The following SYNE1 variants were observed in gnomAD, a reference collection of about 807,000 sequenced individuals.
SYNE1 encodes the protein spectrin repeat containing nuclear envelope protein 1, also known as nesprin-1.
In SYNE1, 616 loss-of-function variants were observed where a neutral mutation model predicts 1,111.0. The ratio of observed to expected loss-of-function variants is 0.55; its 90% CI spans 0.52 to 0.59. SYNE1 has a LOEUF of 0.59. Ranked by LOEUF, SYNE1 falls within the 20% of genes least tolerant of loss-of-function variation. The pLI is 0.00. For synonymous variants in SYNE1, 3,855 were observed against 3,825.8 expected (o/e 1.01, Z -0.28); for missense variants, 10,006 against 10,417.0 (o/e 0.96, Z 1.72).
At chr6:152,512,760 G>A (rs1325707168) in intron 6 of SYNE1, among the ~76,000 whole-genome samples, 1 of 152,140 alleles carries the variant, frequency 6.6e-6, no homozygotes, top group African/African-American at 2.4e-5. Context: ...TTCACAATGA[G>A]TTTAGGGAGC....
chr6:152,440,736 T>C (rs2098521994), intron 32 of SYNE1, among the ~76,000 whole-genome samples: 1 of 151,848 alleles, frequency 6.6e-6, no homozygotes, highest in South Asian at 2.1e-4. Context: ...GCCAGCTGAT[T>C]TTTGTATTTT....
At chr6:152,564,914 C>T (rs1272934901) in intron 3 of SYNE1, among the ~76,000 whole-genome samples, 1 of 152,140 alleles carries the variant, frequency 6.6e-6, no homozygotes, top group Non-Finnish European at 1.5e-5. Flanking sequence ...CCTAGAATCA[C>T]TGTAAATATT....
Position 152,399,849 on chromosome 6 carries a change from G to C in SYNE1, c.7030-26C>G, listed in dbSNP as rs372305757. The stretch of plus-strand genomic sequence containing the variant: ...CTACAGAATAAAAGTATATTATGAA[G>C]GATATTCATAACTTGAGAGAAATAC... On this transcript the variant is annotated intron_variant, in intron 47 of 145. Transcript: ENST00000367255. 113 of 1,598,264 alleles carry C rather than the reference G, an allele frequency of 7.1e-5. No individual in the cohort carries two copies. In the African/African-American group the frequency reaches 1.5e-3, roughly 21 times the overall value.
At chr6:152,364,422 G>A (rs933294844) in intron 63 of SYNE1, among the ~76,000 whole-genome samples, 2 of 148,970 alleles carry the variant, frequency 1.3e-5, no homozygotes, top group Non-Finnish European at 3.0e-5. Flanking sequence ...CCACTACTTG[G>A]TTTTAATCCT....
chr6:152,186,577 AAAAAAAAAAAAAAAAAAAAG>A (rs1241802163), intron 128 of SYNE1, among the ~76,000 whole-genome samples: 2 of 144,624 alleles, frequency 1.4e-5, no homozygotes, highest in African/African-American at 5.1e-5. Context: ...AAAAAAAAAA[AAAAAAAAAAAAAAAAAAAAG>A]AAGAAGAAGA....
intron 3 of SYNE1, among the ~76,000 whole-genome samples, chr6:152,554,555 G>A (rs2099358719): frequency 6.6e-6 from 1 of 151,932 alleles, no homozygotes; most frequent in Non-Finnish European, 1.5e-5. Flanking sequence ...AGACATCTTA[G>A]TTTTTTTTAT....
chr6:152,148,328 G>A lies in SYNE1; in HGVS notation c.24693C>T (p.Asp8231=), dbSNP rs746470108. The stretch of plus-strand genomic sequence containing the variant: ...AGTGCAGGTCCGACAGAGCTGCAGA[G>A]TCTTCCAGCTCCAGCTCCCTGTCTG... ...DLSDRELELE[D]SAALSDLHWH... Residue 8231 remains aspartate, a synonymous_variant, in exon 137 of 146, where the codon GAC becomes GAT. Coordinates refer to ENST00000367255, the MANE Select transcript of SYNE1 (RefSeq NM_182961.4). This position sits in a 1 kb window ranked among gnomAD's most constrained non-coding sequence, Gnocchi z 4.1. The A allele has an allele frequency of 2.5e-6, 4 of 1,614,178 alleles. No individual in the cohort carries two copies. The South Asian group carries it at 3.3e-5, about 13-fold the overall frequency.
chr6:152,309,939 C>T lies in SYNE1; in HGVS notation c.17098G>A (p.Glu5700Lys), dbSNP rs1227780117. ...AGAGGTAAGCTGGCAACCACATCCT[C>T]GGGGATCCGGAGGGCACTCTGGCAG... is the stretch of plus-strand genomic sequence containing the variant. ...QLCQSALRIP[E>K]DVVASLPLCH... The change falls in exon 90 of 146, where the codon GAG (glutamate) becomes AAG (lysine). Residue 5700 changes from glutamate (E) to lysine (K), a missense_variant. Transcript: ENST00000367255. 5.0e-6 allele frequency: 8 copies of T among 1,614,004 alleles called. No homozygotes were observed. The highest frequency in any genetic ancestry group is 1.7e-5 in the Admixed American group (1 of 60,004).
chr6:152,310,135 T>G, intron 89 of SYNE1, 118 bp from the exon 90 acceptor site: 1 of 1,140,392 alleles, frequency 8.8e-7, no homozygotes, highest in African/African-American at 1.6e-5. Context: ...AAAAAAAAAA[T>G]GTTTAAAACA....
At chr6:152,586,764 C>T (rs1386904055) in intron 3 of SYNE1, among the ~76,000 whole-genome samples, 1 of 151,928 alleles carries the variant, frequency 6.6e-6, no homozygotes, top group East Asian at 1.9e-4. Context: ...TACAGAGTTT[C>T]TTCTTTGGGT....
At chr6:152,370,955 C>A (rs2154090707) in intron 59 of SYNE1, among the ~76,000 whole-genome samples, 1 of 152,278 alleles carries the variant, frequency 6.6e-6, no homozygotes, top group East Asian at 1.9e-4. Context: ...AAAATAACTT[C>A]TGGAGTATTC....
At chr6:152,424,546 A>G (rs1373161369) in intron 39 of SYNE1, among the ~76,000 whole-genome samples, 1 of 152,068 alleles carries the variant, frequency 6.6e-6, no homozygotes, top group Non-Finnish European at 1.5e-5. Flanking sequence ...TTATTCCCAC[A>G]CTAATCTGTC....
chr6:152,368,639 C>G (rs1260894400), intron 61 of SYNE1: 1 of 250,402 alleles, frequency 4.0e-6, no homozygotes, highest in Non-Finnish European at 7.9e-6. Context: ...CAAAAAAAAT[C>G]ATGTTTATGA....
chr6:152,160,667 T>C (rs1205080072), intron 131 of SYNE1, among the ~76,000 whole-genome samples: 2 of 152,210 alleles, frequency 1.3e-5, no homozygotes, highest in Non-Finnish European at 2.9e-5. Context: ...AATGGGTACA[T>C]AGGAGGTAAA....
rs1354186979 is a variant in SYNE1 at position 152,331,192 on chromosome 6, C to G, written c.13493G>C (p.Ser4498Thr). ...DVSKQVKTCK[S>T]AQASLKTYQN... The stretch of plus-strand genomic sequence containing the variant: ...GTAAGTCTTGAGGCTGGCTTGTGCA[C>G]TCTTACATGTTTTGACTTGTTTGCT... The change falls in exon 78 of 146, where the codon AGT (serine) becomes ACT (threonine). Residue 4498 changes from serine to threonine, a missense_variant. This residue lies in a region of SYNE1 where 4,955 missense variants were observed against 5,017.2 expected (regional missense o/e 0.99). Coordinates refer to ENST00000367255, the MANE Select transcript of SYNE1 (RefSeq NM_182961.4). 4 of 1,613,874 alleles carry G rather than the reference C, an allele frequency of 2.5e-6. No homozygotes were observed. In the Admixed American group the frequency reaches 6.7e-5, roughly 27 times the overall value.
chr6:152,323,742 T>G lies in SYNE1; in HGVS notation c.15658-5A>C, dbSNP rs1209317210. 6.2e-7 allele frequency: 1 copy of G among 1,614,092 alleles called. No homozygotes were observed. The highest frequency in any genetic ancestry group is 2.2e-5 in the East Asian group (1 of 44,880). On this transcript the variant is annotated splice_region_variant and splice_polypyrimidine_tract_variant and intron_variant, in intron 81 of 145. Coordinates refer to ENST00000367255, the MANE Select transcript of SYNE1 (RefSeq NM_182961.4). The stretch of plus-strand genomic sequence containing the variant: ...CATTTCAGTGGCCTTTTTAACCTGA[T>G]GACAAATGTACATACTATGAAGTTC...
intron 4 of SYNE1, among the ~76,000 whole-genome samples, chr6:152,535,522 CAT>C (rs2099230711): frequency 6.6e-6 from 1 of 152,120 alleles, no homozygotes; most frequent in Non-Finnish European, 1.5e-5. Flanking sequence ...AACACTAAAA[CAT>C]GGCTATTTGA....
In SYNE1 at chr6:152,353,357, C is replaced by A. The variant is rs1280034260; in HGVS notation, c.11159G>T (p.Trp3720Leu). The change falls in exon 69 of 146, where the codon TGG becomes TTG. Residue 3720 changes from tryptophan to leucine, a missense_variant. Physicochemically the swap from Trp to Leu is moderately conservative, Grantham distance 61 (BLOSUM62 -2). Around this residue, in one of 7 missense-constraint regions of SYNE1, gnomAD observed 4,955 missense variants for 5,017.2 expected, o/e 0.99. Coordinates refer to ENST00000367255, the MANE Select transcript of SYNE1 (RefSeq NM_182961.4). ...SESSLSSYSDWYGSTHKNFKN... is the reference protein window; with the variant it reads ...SESSLSSYSDLYGSTHKNFKN... ...GAAGTTTTTATGAGTAGAGCCATAC[C>A]AATCAGAATAGGAACTGAGGGATGA... 3 of 1,614,142 alleles carry A rather than the reference C, an allele frequency of 1.9e-6. No homozygotes were observed. The highest frequency in any genetic ancestry group is 1.1e-5 in the South Asian group (1 of 91,074).
At chr6:152,551,903 GCT>G (rs1344747603) in intron 3 of SYNE1, among the ~76,000 whole-genome samples, 4 of 152,240 alleles carry the variant, frequency 2.6e-5, no homozygotes, top group African/African-American at 9.6e-5. Context: ...CATGTAGCCA[GCT>G]CCCTCCTGTA....
Sources: allele counts gnomAD v4.1 joint callset (sites outside exome capture counted in the v4.1 genomes callset), GRCh38; gene constraint gnomAD v4.1.1; regional missense constraint gnomAD v4.1.1; non-coding constraint Gnocchi (gnomAD v3.1); transcripts MANE v1.5; gene names NCBI Gene and HGNC (gene_info 2026-07-23, HGNC 2026-07-21).